PTPRD: variants seen among roughly 807,000 people sequenced by gnomAD.
The protein encoded by PTPRD is receptor-type tyrosine-protein phosphatase delta.
PTPRD carries 34 observed loss-of-function variants against 214.5 expected under a neutral mutation model. The ratio of observed to expected loss-of-function variants is 0.16; its 90% CI spans 0.12 to 0.21. The LOEUF (loss-of-function observed/expected upper bound fraction) is 0.21. Among genes scored for constraint, PTPRD ranks in the 10% least tolerant of loss-of-function variants. The pLI is 1.00. For missense variants in PTPRD, 2,545 were observed against 2,398.7 expected (o/e 1.06, Z -1.27); for synonymous variants, 1,128 against 845.7 (o/e 1.33, Z -5.79).
At chr9:10,298,820 C>G (rs773191844) in intron 3 of PTPRD, among the ~76,000 whole-genome samples, 1 of 151,998 alleles carries the variant, frequency 6.6e-6, no homozygotes, top group Non-Finnish European at 1.5e-5. Flanking sequence ...TAATTTCTAA[C>G]TTGCTTTATA....
chr9:9,613,543 G>T (rs1461357604), intron 7 of PTPRD, among the ~76,000 whole-genome samples: 1 of 152,082 alleles, frequency 6.6e-6, no homozygotes, highest in Non-Finnish European at 1.5e-5. Context: ...TTCTTTTAGA[G>T]CCAAGAAGTT....
chr9:10,332,104 T>C (rs2096761789), intron 3 of PTPRD, among the ~76,000 whole-genome samples: 1 of 151,906 alleles, frequency 6.6e-6, no homozygotes, highest in African/African-American at 2.4e-5. Context: ...GGGCACATCA[T>C]ATACTGATGG....
intron 18 of PTPRD, 172 bp downstream of exon 18, chr9:8,524,753 T>G (rs1369215298): frequency 1.3e-6 from 1 of 751,684 alleles, no homozygotes; most frequent in East Asian, 2.5e-5. Context: ...TCTTTTGGAG[T>G]TAAACAACAC....
chr9:9,341,346 C>T (rs1256996212), intron 9 of PTPRD, among the ~76,000 whole-genome samples: 1 of 152,066 alleles, frequency 6.6e-6, no homozygotes, highest in Non-Finnish European at 1.5e-5. Context: ...AGAAACTCTC[C>T]ATTCAGTTGT....
chr9:9,338,174 CA>C lies in PTPRD; in HGVS notation c.-203+59274del, dbSNP rs2045340293. Among the ~76,000 whole-genome samples the C allele has an allele frequency of 3.3e-5, 5 of 152,282 alleles. No individual in the cohort carries two copies. In the East Asian group the frequency reaches 9.7e-4, roughly 29 times the overall value. ...TTATTGTTCATCACAGCCTCTAGAG[CA>C]ATGCTCAGTGCTAGTGCAAAGAATT... On this transcript the variant is annotated intron_variant, in intron 9 of 45. Coordinates refer to ENST00000381196, the MANE Select transcript of PTPRD (RefSeq NM_002839.4).
intron 3 of PTPRD, among the ~76,000 whole-genome samples, chr9:10,083,922 G>C (rs1457629237): frequency 6.6e-6 from 1 of 151,934 alleles, no homozygotes; most frequent in African/African-American, 2.4e-5. Flanking sequence ...ACCAGTCCCT[G>C]TCTGCACTAG....
At chr9:10,223,643 T>A (rs1040021173) in intron 3 of PTPRD, among the ~76,000 whole-genome samples, 1 of 149,392 alleles carries the variant, frequency 6.7e-6, no homozygotes, top group African/African-American at 2.5e-5. Flanking sequence ...GCACTCCAGC[T>A]TGGGTGACAG....
chr9:9,594,829 T>C (rs895367260), intron 7 of PTPRD, among the ~76,000 whole-genome samples: 3 of 152,008 alleles, frequency 2.0e-5, no homozygotes, highest in Admixed American at 1.3e-4. Flanking sequence ...TCACAATCTG[T>C]ACATCTGACA....
intron 39 of PTPRD, among the ~76,000 whole-genome samples, chr9:8,372,438 T>G (rs542747327): frequency 6.6e-6 from 1 of 152,162 alleles, no homozygotes; most frequent in Non-Finnish European, 1.5e-5. Flanking sequence ...TTTATAAAAT[T>G]CTCATTGCTA....
At chr9:9,696,831 T>A (rs115452176) in intron 7 of PTPRD, among the ~76,000 whole-genome samples, 139 of 152,260 alleles carry the variant, frequency 9.1e-4, no homozygotes, top group African/African-American at 2.9e-3. Flanking sequence ...AAAGATTTAC[T>A]ATTGCAATTT....
At chr9:10,078,045 C>T (rs1047712051) in intron 3 of PTPRD, among the ~76,000 whole-genome samples, 3 of 151,838 alleles carry the variant, frequency 2.0e-5, no homozygotes, top group African/African-American at 7.3e-5. Context: ...GAATTATCTA[C>T]AGACAAGTGG....
chr9:9,084,061 C>G (rs933324400), intron 10 of PTPRD, among the ~76,000 whole-genome samples: 5 of 152,196 alleles, frequency 3.3e-5, no homozygotes, highest in Admixed American at 2.6e-4. Flanking sequence ...GGGTATATAC[C>G]CAAAGGATTA....
At chr9:10,479,644 A>AATAC (rs1426491222) in intron 2 of PTPRD, among the ~76,000 whole-genome samples, 701 of 38,950 alleles carry the variant, frequency 0.018, 9 homozygotes, top group African/African-American at 0.042. Context: ...TAAATAAATA[A>AATAC]ATAAATAAAT....
chr9:9,802,881 C>T (rs564130740), intron 5 of PTPRD, among the ~76,000 whole-genome samples: 3 of 151,852 alleles, frequency 2.0e-5, no homozygotes, highest in South Asian at 2.1e-4. Flanking sequence ...TTTTCTTTTG[C>T]ATTACACTAA....
chr9:8,326,693 T>A (rs992307140), intron 44 of PTPRD, among the ~76,000 whole-genome samples: 1 of 140,308 alleles, frequency 7.1e-6, no homozygotes. Context: ...GTCCTGGACT[T>A]TTTTTGGTTG....
At chr9:9,289,905 C>T (rs983284471) in intron 9 of PTPRD, among the ~76,000 whole-genome samples, 22 of 151,580 alleles carry the variant, frequency 1.5e-4, no homozygotes, top group Non-Finnish European at 2.8e-4. Context: ...GTGAATAATG[C>T]TGCAAAAAAA....
intron 7 of PTPRD, among the ~76,000 whole-genome samples, chr9:9,696,018 T>C (rs2097367226): frequency 6.6e-6 from 1 of 152,240 alleles, no homozygotes; most frequent in East Asian, 1.9e-4. Context: ...AGTCATTAGG[T>C]CCTGGGCTCT....
intron 8 of PTPRD, among the ~76,000 whole-genome samples, chr9:9,568,619 T>C (rs573855467): frequency 6.6e-6 from 1 of 152,052 alleles, no homozygotes; most frequent in South Asian, 2.1e-4. Context: ...ATGTATGGAT[T>C]TATAGGTTTT....
rs184592492 is a variant in PTPRD, at chr9:9,237,045, C to T, written c.-202-53682G>A. Among the ~76,000 whole-genome samples the T allele has an allele frequency of 2.5e-3, 383 of 152,248 alleles. 3 individuals carry two copies. The highest frequency in any genetic ancestry group is 8.4e-3 in the African/African-American group (347 of 41,552). ...GTTCTTATTTGTTTGACTTTCTCTA[C>T]TAAGCTAAAATGGAACTGTATACTC... On this transcript the variant is annotated intron_variant, in intron 9 of 45. Coordinates refer to ENST00000381196, the MANE Select transcript of PTPRD (RefSeq NM_002839.4).
Sources: allele counts gnomAD v4.1 joint callset (sites outside exome capture counted in the v4.1 genomes callset), GRCh38; gene constraint gnomAD v4.1.1; transcripts MANE v1.5; gene names NCBI Gene and HGNC (gene_info 2026-07-23, HGNC 2026-07-21).